TBCD: variants seen among roughly 807,000 people sequenced by gnomAD.
TBCD encodes tubulin folding cofactor D.
A neutral mutation model predicts 169.3 loss-of-function variants in TBCD; 105 were observed. The observed-to-expected ratio is 0.62, with a 90% CI of 0.53 to 0.73. The LOEUF is 0.73. Ranked by LOEUF, TBCD falls within the 30% of genes least tolerant of loss-of-function variation. TBCD has a pLI of 0.00. For synonymous variants in TBCD, 700 were observed against 643.9 expected (o/e 1.09, Z -1.32); for missense variants, 1,444 against 1,600.1 (o/e 0.90, Z 1.66).
At chr17:82,757,591 C>T (rs560376913) in intron 2 of TBCD, among the ~76,000 whole-genome samples, 2 of 148,920 alleles carry the variant, frequency 1.3e-5, no homozygotes, top group Admixed American at 6.7e-5. Context: ...CACTGCACTC[C>T]AGCCTGGGTG....
At chr17:82,837,535 G>A (rs1462872034) in intron 13 of TBCD, among the ~76,000 whole-genome samples, 8 of 152,184 alleles carry the variant, frequency 5.3e-5, no homozygotes, top group Admixed American at 3.9e-4. Flanking sequence ...TAACATGCCC[G>A]GAGAGCTGTC....
chr17:82,752,155 G>C lies in TBCD; in HGVS notation c.-39G>C, dbSNP rs1299133768. On this transcript the variant is annotated 5_prime_UTR_variant, in exon 1 of 39. Coordinates refer to ENST00000355528, the MANE Select transcript of TBCD (RefSeq NM_005993.5). ...CGCGCTCTAGCGGAGTGGGATCTGCGAACACGTGAGGCGGGGGCGCGGTCC... is the reference window on the plus strand; with the variant it reads ...CGCGCTCTAGCGGAGTGGGATCTGCCAACACGTGAGGCGGGGGCGCGGTCC... 6 of 1,474,628 alleles carry C rather than the reference G, an allele frequency of 4.1e-6. No individual in the cohort carries two copies. The highest frequency in any genetic ancestry group is 3.0e-5 in the African/African-American group (2 of 67,642). 91.3% of individuals were successfully genotyped at this position (1,474,628 alleles called of 1,614,324 possible).
intron 17 of TBCD, among the ~76,000 whole-genome samples, chr17:82,897,955 C>T (rs2059602908): frequency 6.6e-6 from 1 of 151,340 alleles, no homozygotes; most frequent in Non-Finnish European, 1.5e-5. Context: ...TTGGTGTGAG[C>T]ACACGTCACG....
chr17:82,852,820 A>G (rs2055909383), intron 13 of TBCD, among the ~76,000 whole-genome samples: 1 of 152,198 alleles, frequency 6.6e-6, no homozygotes, highest in South Asian at 2.1e-4. Context: ...CTGTGAATAA[A>G]GCATTCGTGT....
intron 6 of TBCD, among the ~76,000 whole-genome samples, chr17:82,780,388 G>A (rs3791174): frequency 0.36 from 55,374 of 151,790 alleles, 10,381 homozygotes; most frequent in Middle Eastern, 0.41. Flanking sequence ...TCTGTTCTCC[G>A]TGTGGCAGTG....
At chr17:82,860,428 G>A in intron 13 of TBCD, 1 of 985,180 alleles carries the variant, frequency 1.0e-6, no homozygotes, top group Non-Finnish European at 1.2e-6. Context: ...GAGGGGGACA[G>A]ACACAGGTGG....
At chr17:82,881,733 A>G (rs1599174896) in intron 14 of TBCD, among the ~76,000 whole-genome samples, 1 of 152,086 alleles carries the variant, frequency 6.6e-6, no homozygotes, top group Non-Finnish European at 1.5e-5. Flanking sequence ...GGTTTGTATT[A>G]TGTTGTTTCT....
chr17:82,831,116 G>T lies in TBCD; in HGVS notation c.1318+16182G>T. ...AAGGCTGTGAGGCTTTGCTCTGGCG[G>T]GTAGAGTCTTCCCAGTGCGCTGGAG... On this transcript the variant is annotated intron_variant, in intron 13 of 38. Coordinates refer to ENST00000355528, the MANE Select transcript of TBCD (RefSeq NM_005993.5). The surrounding 1 kb of genome is among the most constrained non-coding windows in gnomAD (Gnocchi z 4.6). 6.2e-7 allele frequency: 1 copy of T among 1,614,194 alleles called. No homozygotes were observed. The highest frequency in any genetic ancestry group is 8.5e-7 in the Non-Finnish European group (1 of 1,180,034).
At chr17:82,908,177 C>T (rs915725891) in intron 21 of TBCD, 7 of 385,636 alleles carry the variant, frequency 1.8e-5, no homozygotes, top group Non-Finnish European at 3.0e-5. Context: ...CCCTCCGGGG[C>T]GCGCGGCTGC....
intron 30 of TBCD, 98 bp downstream of exon 30, chr17:82,928,086 A>C: frequency 9.5e-7 from 1 of 1,049,116 alleles, no homozygotes; most frequent in Admixed American, 1.8e-5. Context: ...TGGCATTTGC[A>C]CTGCTGGGCA....
At chr17:82,916,701 C>G (rs1443709599) in intron 23 of TBCD, among the ~76,000 whole-genome samples, 1 of 152,112 alleles carries the variant, frequency 6.6e-6, no homozygotes, top group Non-Finnish European at 1.5e-5. Flanking sequence ...TCGCTGGCTT[C>G]TTTTGAGATT....
chr17:82,883,535 G>A (rs941738560), intron 14 of TBCD, among the ~76,000 whole-genome samples: 5 of 152,240 alleles, frequency 3.3e-5, no homozygotes, highest in African/African-American at 4.8e-5. Context: ...GCGCCTTGGC[G>A]TCTGTGTGTG....
chr17:82,900,304 G>T (rs539800342), intron 17 of TBCD, among the ~76,000 whole-genome samples: 27 of 152,306 alleles, frequency 1.8e-4, no homozygotes, highest in Non-Finnish European at 3.5e-4. Flanking sequence ...CACTCATTTT[G>T]TCAGTCTTCT....
rs192495641 is a variant in TBCD at position 82,903,192 on chromosome 17, G to A, written c.1731-213G>A. Among the ~76,000 whole-genome samples, 5 of 152,276 alleles carry A rather than the reference G, an allele frequency of 3.3e-5. No individual in the cohort carries two copies. The highest frequency in any genetic ancestry group is 1.9e-4 in the East Asian group (1 of 5,174). On this transcript the variant is annotated intron_variant, in intron 18 of 38. Transcript: ENST00000355528. This position sits in a 1 kb window ranked among gnomAD's most constrained non-coding sequence, Gnocchi z 4.8. ...AGGCAGCTGTGTCCCAAGAAGAACC[G>A]TGGTTAGCCGTGTGACCTCGCTGTT... is the stretch of plus-strand genomic sequence containing the variant.
chr17:82,842,784 T>C (rs546370517), intron 13 of TBCD, among the ~76,000 whole-genome samples: 91 of 145,316 alleles, frequency 6.3e-4, no homozygotes, highest in African/African-American at 1.4e-3. Context: ...TTCTTTCTTT[T>C]TTTTTTTTTT....
intron 22 of TBCD, among the ~76,000 whole-genome samples, chr17:82,911,218 A>T (rs368586665): frequency 6.6e-6 from 1 of 151,294 alleles, no homozygotes; most frequent in Non-Finnish European, 1.5e-5. Flanking sequence ...GGGACATCCA[A>T]CCCTGCCACT....
At position 82,924,414 on chromosome 17, in the gene TBCD, C is replaced by T. The variant is rs149358339; in HGVS notation, c.2261-525C>T. Among the ~76,000 whole-genome samples the T allele has an allele frequency of 3.9e-3, 597 of 152,380 alleles. 7 individuals carry two copies. Among genetic ancestry groups the T allele is most frequent in the African/African-American group, 0.014 (580 of 41,586 alleles). On this transcript the variant is annotated intron_variant, in intron 26 of 38. Coordinates refer to ENST00000355528, the MANE Select transcript of TBCD (RefSeq NM_005993.5). ...CTGTGCCGCCTCACTGTACATCCTG[C>T]ACCCCCGTGCTGAAGTTCAGGCTTG...
At chr17:82,778,713 G>C (rs938557826) in intron 6 of TBCD, among the ~76,000 whole-genome samples, 2 of 118,748 alleles carry the variant, frequency 1.7e-5, no homozygotes, top group Non-Finnish European at 3.5e-5. Context: ...CTCTACTGGA[G>C]TGCAATGGCG....
rs112688148 is a variant in TBCD at position 82,794,185 on chromosome 17, T to G, written c.772-3572T>G. On this transcript the variant is annotated intron_variant, in intron 7 of 38. Transcript: ENST00000355528. The stretch of plus-strand genomic sequence containing the variant: ...GAGCCTCAAACCAGCATCTCCTGCT[T>G]GGCAGCGGGTGAGCTTGCTCCCGAG... Among the ~76,000 whole-genome samples the G allele has an allele frequency of 8.8e-4, 134 of 152,216 alleles. 2 individuals are homozygous for G. The Middle Eastern group carries it at 0.01, about 12-fold the overall frequency.
Sources: allele counts gnomAD v4.1 joint callset (sites outside exome capture counted in the v4.1 genomes callset), GRCh38; gene constraint gnomAD v4.1.1; non-coding constraint Gnocchi (gnomAD v3.1); transcripts MANE v1.5; gene names NCBI Gene and HGNC (gene_info 2026-07-23, HGNC 2026-07-21).